The following TNFRSF8 variants were observed in gnomAD, a reference collection of about 807,000 sequenced individuals.
TNFRSF8 encodes the protein tumor necrosis factor receptor superfamily member 8.
Under a neutral mutation model 70.8 loss-of-function variants are expected in TNFRSF8, and 26 were observed. The observed-to-expected ratio is 0.37, with a 90% CI of 0.27 to 0.51. The LOEUF is 0.51. Ranked by LOEUF, TNFRSF8 falls within the 20% of genes least tolerant of loss-of-function variation. The probability of loss-of-function intolerance (pLI) is 0.94; values close to 1 mark genes in which losing one functional copy is unlikely to be tolerated. For missense variants in TNFRSF8, 720 were observed against 807.9 expected, an observed-to-expected ratio of 0.89 and a Z score of 1.32; for synonymous variants, 356 against 339.2, an observed-to-expected ratio of 1.05 and a Z score of -0.54.
chr1:12,106,420 G>C (rs975147684), intron 4 of TNFRSF8, among the ~76,000 whole-genome samples: 1 of 152,198 alleles, frequency 6.6e-6, no homozygotes, highest in African/African-American at 2.4e-5. Context: ...TGGTAGCACT[G>C]TGTCCTTTGC....
intron 8 of TNFRSF8, among the ~76,000 whole-genome samples, chr1:12,117,461 G>C (rs1449967145): frequency 1.3e-5 from 2 of 152,140 alleles, no homozygotes; most frequent in African/African-American, 2.4e-5. Context: ...CTGTCACTCT[G>C]TTTGTAAAGC....
chr1:12,125,106 C>T (rs190906504), intron 10 of TNFRSF8, among the ~76,000 whole-genome samples: 206 of 152,318 alleles, frequency 1.4e-3, no homozygotes, highest in African/African-American at 4.6e-3. Flanking sequence ...ACAAGATCTC[C>T]AGGGCACTCA....
chr1:12,063,798 G>A lies in TNFRSF8; in HGVS notation c.63+137G>A. On this transcript the variant is annotated intron_variant, in intron 1 of 14. Coordinates refer to ENST00000263932, the MANE Select transcript of TNFRSF8 (RefSeq NM_001243.5). This position sits in a 1 kb window ranked among gnomAD's most constrained non-coding sequence, Gnocchi z 7.2. ...AGTGAGGGGGCGCGGGTGACAAGCA[G>A]GAACACCGGAATATGCTAGCACCCA... 1 of 806,776 alleles carries A rather than the reference G, an allele frequency of 1.2e-6. No homozygotes were observed. Among genetic ancestry groups the A allele is most frequent in the Non-Finnish European group, 1.7e-6 (1 of 597,732 alleles). The allele number at this position is 806,776 out of a possible 1,614,324, so 50.0% of individuals were successfully genotyped here. A position where few individuals can be genotyped will look rare whatever the true frequency, so the allele number is the denominator to read the frequency against.
chr1:12,076,799 G>A (rs910499480), intron 1 of TNFRSF8, among the ~76,000 whole-genome samples: 5 of 152,196 alleles, frequency 3.3e-5, no homozygotes, highest in African/African-American at 7.2e-5. Context: ...TGGAGCTCAA[G>A]TGAGCACTGA....
intron 8 of TNFRSF8, among the ~76,000 whole-genome samples, chr1:12,121,259 G>C (rs928870951): frequency 6.6e-6 from 1 of 152,228 alleles, no homozygotes; most frequent in African/African-American, 2.4e-5. Flanking sequence ...AAAGAGGGGG[G>C]TTCCTCAGAA....
chr1:12,096,645 T>G (rs1299852122), intron 2 of TNFRSF8, among the ~76,000 whole-genome samples: 1 of 152,150 alleles, frequency 6.6e-6, no homozygotes, highest in South Asian at 2.1e-4. Flanking sequence ...CCGGTGCTCA[T>G]ATAGTGCTTG....
chr1:12,083,139 C>T (rs1305426391), intron 1 of TNFRSF8, among the ~76,000 whole-genome samples: 2 of 152,182 alleles, frequency 1.3e-5, no homozygotes, highest in African/African-American at 4.8e-5. Context: ...GATGGCTAAA[C>T]TTTTAAAAAC....
At position 12,138,458 on chromosome 1, in the gene TNFRSF8, G is replaced by A. The variant is rs1406429268; in HGVS notation, c.1543+22G>A. On this transcript the variant is annotated intron_variant, in intron 14 of 14. Coordinates refer to ENST00000263932, the MANE Select transcript of TNFRSF8 (RefSeq NM_001243.5). This position sits in a 1 kb window ranked among gnomAD's most constrained non-coding sequence, Gnocchi z 5.7. ...ATTGGTGAGTCAGCCTGTTTTGGGA[G>A]GTCCCCTGCAGCCCAGGGGCAGATG... 3 of 1,598,408 alleles carry A rather than the reference G, an allele frequency of 1.9e-6. No individual in the cohort carries two copies. In the South Asian group the frequency reaches 3.3e-5, roughly 18 times the overall value.
chr1:12,081,841 C>T (rs1403994565), intron 1 of TNFRSF8, among the ~76,000 whole-genome samples: 1 of 152,132 alleles, frequency 6.6e-6, no homozygotes, highest in Non-Finnish European at 1.5e-5. Context: ...TGCTTCCTTC[C>T]CTAAACCAAG....
chr1:12,131,331 T>TC (rs1642043714), intron 12 of TNFRSF8, among the ~76,000 whole-genome samples: 1 of 152,002 alleles, frequency 6.6e-6, no homozygotes, highest in Non-Finnish European at 1.5e-5. Flanking sequence ...ACACCTGTAA[T>TC]CCCAGCTACT....
In TNFRSF8 at chr1:12,122,742, A is replaced by T. The variant is rs565965901; in HGVS notation, c.947-542A>T. On this transcript the variant is annotated intron_variant, in intron 8 of 14. Transcript: ENST00000263932. The stretch of plus-strand genomic sequence containing the variant: ...TGAGGCTGTATTTAAACATTAGGCG[A>T]TTTCAGTTTTCTCTTAAAAGCAAAA... 2.6e-5 allele frequency among the ~76,000 whole-genome samples: 4 copies of T among 152,258 alleles called. No homozygotes were observed. The South Asian group carries it at 8.3e-4, about 32-fold the overall frequency.
intron 1 of TNFRSF8, among the ~76,000 whole-genome samples, chr1:12,081,263 C>T (rs552027924): frequency 1.3e-5 from 2 of 152,238 alleles, no homozygotes; most frequent in Middle Eastern, 3.4e-3. Flanking sequence ...CCATAGACTC[C>T]GTAGCTGTCA....
chr1:12,123,155 C>A, intron 8 of TNFRSF8, 129 bp from the exon 9 acceptor site: 1 of 721,868 alleles, frequency 1.4e-6, no homozygotes, highest in Non-Finnish European at 2.2e-6. Context: ...TCTTTTGAAA[C>A]ACAAATCTGA....
intron 13 of TNFRSF8, 129 bp downstream of exon 13, chr1:12,135,742 C>A: frequency 7.6e-7 from 1 of 1,307,196 alleles, no homozygotes; most frequent in Admixed American, 2.1e-5. Context: ...CATTCCCCTC[C>A]CACAGTGCCC....
chr1:12,073,826 C>T (rs1640891315), intron 1 of TNFRSF8, among the ~76,000 whole-genome samples: 1 of 152,004 alleles, frequency 6.6e-6, no homozygotes, highest in Admixed American at 6.6e-5. Flanking sequence ...AAACGCCTGA[C>T]CTCAAATAAT....
chr1:12,075,637 C>T (rs2100952834), intron 1 of TNFRSF8, among the ~76,000 whole-genome samples: 1 of 152,276 alleles, frequency 6.6e-6, no homozygotes, highest in Middle Eastern at 3.4e-3. Flanking sequence ...TTCCCCTTTG[C>T]CATGTAAGGA....
At position 12,112,035 on chromosome 1, in the gene TNFRSF8, C is replaced by T. The variant is rs374508810; in HGVS notation, c.793+21C>T. 147 of 1,585,090 alleles carry T rather than the reference C, an allele frequency of 9.3e-5. No homozygotes were observed. The East Asian group carries it at 1.0e-3, about 11-fold the overall frequency. ...TCGAGGTAAGGGCCTCGTCCCTCCC[C>T]GGGCCTCAGTTTACCTCTCTGCATT... is the stretch of plus-strand genomic sequence containing the variant. On this transcript the variant is annotated intron_variant, in intron 7 of 14. Coordinates refer to ENST00000263932, the MANE Select transcript of TNFRSF8 (RefSeq NM_001243.5). The surrounding 1 kb of genome is among the most constrained non-coding windows in gnomAD (Gnocchi z 5.3).
intron 1 of TNFRSF8, among the ~76,000 whole-genome samples, chr1:12,070,272 A>G (rs1457283047): frequency 6.6e-6 from 1 of 151,758 alleles, no homozygotes; most frequent in Non-Finnish European, 1.5e-5. Flanking sequence ...TTTTTTTGAG[A>G]CGGAGTCTTG....
intron 7 of TNFRSF8, among the ~76,000 whole-genome samples, chr1:12,114,494 T>C (rs1197337447): frequency 6.6e-6 from 1 of 152,014 alleles, no homozygotes; most frequent in Non-Finnish European, 1.5e-5. Flanking sequence ...ATTATCATGC[T>C]GGGTCTCTAA....
Sources: allele counts gnomAD v4.1 joint callset (sites outside exome capture counted in the v4.1 genomes callset), GRCh38; gene constraint gnomAD v4.1.1; non-coding constraint Gnocchi (gnomAD v3.1); transcripts MANE v1.5; gene names NCBI Gene and HGNC (gene_info 2026-07-23, HGNC 2026-07-21).